The following MICAL2 variants were observed in gnomAD, a reference collection of about 807,000 sequenced individuals.
The protein encoded by MICAL2 is microtubule associated monooxygenase, calponin and LIM domain containing 2, also known as [F-actin]-monooxygenase MICAL2.
In MICAL2, 77 loss-of-function variants were observed where a neutral mutation model predicts 127.3. The observed-to-expected ratio is 0.60, with a 90% CI of 0.50 to 0.73. The LOEUF (loss-of-function observed/expected upper bound fraction) is 0.73. MICAL2 is among the 30% of genes least tolerant of loss of function. MICAL2 has a pLI of 0.00. For missense variants in MICAL2, 1,351 were observed against 1,434.4 expected (o/e 0.94, Z 0.94); for synonymous variants, 570 against 551.1 (o/e 1.03, Z -0.48).
At chr11:12,220,079 A>G (rs7101833) in intron 8 of MICAL2, 122 bp from the exon 9 acceptor site, 571,269 of 1,145,652 alleles carry the variant, frequency 0.5, 150,164 homozygotes, top group East Asian at 0.94. Flanking sequence ...CCTGGTTTTT[A>G]TATGTCTTTT....
chr11:12,341,826 CA>C (rs373964255), intron 32 of MICAL2, among the ~76,000 whole-genome samples: 1 of 140,206 alleles, frequency 7.1e-6, no homozygotes, highest in East Asian at 2.1e-4. Flanking sequence ...GACTCTTTCT[CA>C]AAAAGAAAAG....
chr11:12,232,358 G>A (rs1445085087), intron 15 of MICAL2, among the ~76,000 whole-genome samples: 1 of 152,150 alleles, frequency 6.6e-6, no homozygotes, highest in African/African-American at 2.4e-5. Context: ...ACTTGGACTT[G>A]GGGAGATTAC....
Position 12,242,306 on chromosome 11 carries a change from A to C in MICAL2, c.2430A>C (p.Arg810Ser), listed in dbSNP as rs559205158. The change falls in exon 19 of 28, where the codon AGA becomes AGC. Residue 810 changes from arginine to serine, a missense_variant. Physicochemically the swap from Arg to Ser is moderately radical, Grantham distance 110 (BLOSUM62 -1). Transcript: ENST00000683283. Reference sequence around the variant, plus strand: ...GCCTGAGCAGACCTTGGAGAGCCAGAGCCAAGTCTGACCTACAGCTGGGTG... The same window carrying C: ...GCCTGAGCAGACCTTGGAGAGCCAGCGCCAAGTCTGACCTACAGCTGGGTG... Reference protein sequence around the residue: ...SECLSRPWRARAKSDLQLGGT... With the variant: ...SECLSRPWRASAKSDLQLGGT... 2 of 1,614,156 alleles carry C rather than the reference A, an allele frequency of 1.2e-6. No homozygotes were observed. The highest frequency in any genetic ancestry group is 3.3e-5 in the Admixed American group (2 of 60,018).
intron 19 of MICAL2, 32 bp from the exon 20 acceptor site, chr11:12,242,639 C>CT: frequency 1.3e-6 from 2 of 1,588,904 alleles, no homozygotes; most frequent in South Asian, 1.1e-5. Context: ...CACTATCTCT[C>CT]TTTTCTTTCT....
At chr11:12,297,398 G>A (rs1057270076) in intron 29 of MICAL2, among the ~76,000 whole-genome samples, 4 of 151,904 alleles carry the variant, frequency 2.6e-5, no homozygotes, top group African/African-American at 4.8e-5. Context: ...TAGTATGTAG[G>A]GATTCTTTAT....
intron 2 of MICAL2, among the ~76,000 whole-genome samples, chr11:12,283,343 T>TTTAA (rs2134768727): frequency 1.5e-5 from 2 of 132,578 alleles, no homozygotes; most frequent in South Asian, 2.5e-4. Flanking sequence ...GTGTGGAGTT[T>TTTAA]AAAAAAAAAA....
intron 2 of MICAL2, among the ~76,000 whole-genome samples, chr11:12,144,150 T>A (rs1187547803): frequency 6.6e-6 from 1 of 152,228 alleles, no homozygotes; most frequent in Non-Finnish European, 1.5e-5. Context: ...TGGTCTTGTA[T>A]CAACAGTCCC....
At chr11:12,111,208 GAAGTT>G (rs1849580044) in intron 1 of MICAL2, among the ~76,000 whole-genome samples, 1 of 152,170 alleles carries the variant, frequency 6.6e-6, no homozygotes, top group Non-Finnish European at 1.5e-5. Flanking sequence ...TTAGTAACAG[GAAGTT>G]AAGTTGGGCC....
intron 32 of MICAL2, among the ~76,000 whole-genome samples, chr11:12,344,830 C>T (rs1241703302): frequency 6.6e-6 from 1 of 150,464 alleles, no homozygotes; most frequent in Non-Finnish European, 1.5e-5. Flanking sequence ...AATTGTGGAC[C>T]AGGTGCGGTG....
intron 1 of MICAL2, among the ~76,000 whole-genome samples, chr11:12,119,874 G>A (rs1372135643): frequency 6.6e-6 from 1 of 152,208 alleles, no homozygotes; most frequent in Non-Finnish European, 1.5e-5. Flanking sequence ...ACACTCGGAT[G>A]CTTCCTGATG....
chr11:12,111,064 C>T (rs1849566834), intron 1 of MICAL2, among the ~76,000 whole-genome samples: 1 of 152,226 alleles, frequency 6.6e-6, no homozygotes, highest in African/African-American at 2.4e-5. Context: ...GTGGGAGTGA[C>T]GCGCCTGCAG....
chr11:12,162,678 C>G (rs555920116), intron 3 of MICAL2, among the ~76,000 whole-genome samples: 1 of 152,340 alleles, frequency 6.6e-6, no homozygotes, highest in African/African-American at 2.4e-5. Context: ...TTGATATTAC[C>G]CCCACTTCTA....
At chr11:12,336,245 C>A (rs1003754702) in intron 32 of MICAL2, among the ~76,000 whole-genome samples, 10 of 151,774 alleles carry the variant, frequency 6.6e-5, no homozygotes, top group East Asian at 1.9e-4. Context: ...CATGATTTGG[C>A]TCTCTGTTTG....
intron 21 of MICAL2, among the ~76,000 whole-genome samples, chr11:12,245,777 C>A (rs1409721847): frequency 6.6e-6 from 1 of 152,208 alleles, no homozygotes; most frequent in Non-Finnish European, 1.5e-5. Context: ...TTTGTCATCA[C>A]CATCAGCAAG....
intron 13 of MICAL2, among the ~76,000 whole-genome samples, chr11:12,225,229 G>C (rs1174877134): frequency 1.3e-5 from 2 of 152,232 alleles, no homozygotes; most frequent in African/African-American, 4.8e-5. Flanking sequence ...CATAAGCTGT[G>C]TGTCCTTGGG....
chr11:12,246,262 G>A (rs572046889), intron 21 of MICAL2, among the ~76,000 whole-genome samples: 4 of 152,242 alleles, frequency 2.6e-5, no homozygotes, highest in South Asian at 2.1e-4. Flanking sequence ...GCATCACACC[G>A]GCTGAGGCCC....
In MICAL2 at chr11:12,162,218, G is replaced by A. The variant is rs775287769; in HGVS notation, c.63G>A (p.Gln21=). 350 of 1,614,164 alleles carry A rather than the reference G, an allele frequency of 2.2e-4. No individual in the cohort carries two copies. In the Admixed American group the frequency reaches 5.8e-3, roughly 27 times the overall value. The change falls in exon 3 of 28, where the codon CAG becomes CAA. Residue 21 remains glutamine, a synonymous_variant. Transcript: ENST00000683283. The part of the protein sequence containing the change: ...QAGQVFENFV[Q]ASTCKGTLQA... ...GGCAGGTTTTTGAGAACTTTGTCCA[G>A]GCATCCACGTGCAAAGGTACCCTCC...
chr11:12,338,578 T>C (rs540917405), intron 32 of MICAL2, among the ~76,000 whole-genome samples: 2 of 152,384 alleles, frequency 1.3e-5, no homozygotes, highest in African/African-American at 2.4e-5. Context: ...GGCATGTTTT[T>C]GCAGTGGCTG....
downstream of MICAL2, among the ~76,000 whole-genome samples, chr11:12,266,001 A>C (rs1863607420): frequency 6.6e-6 from 1 of 152,080 alleles, no homozygotes; most frequent in East Asian, 1.9e-4. Context: ...AATTCCAGCT[A>C]CTTGGGAGGC....
Sources: allele counts gnomAD v4.1 joint callset (sites outside exome capture counted in the v4.1 genomes callset), GRCh38; gene constraint gnomAD v4.1.1; transcripts MANE v1.5; gene names NCBI Gene and HGNC (gene_info 2026-07-23, HGNC 2026-07-21).